The following CNTN4 variants were observed in gnomAD, a reference collection of about 807,000 sequenced individuals.
CNTN4 encodes contactin-4.
Under a neutral mutation model 122.5 loss-of-function variants are expected in CNTN4, and 77 were observed. The ratio of observed to expected loss-of-function variants is 0.63; its 90% CI spans 0.52 to 0.76. The LOEUF is 0.76. CNTN4 is among the 30% of genes least tolerant of loss of function. The pLI, the probability that CNTN4 is intolerant of heterozygous loss-of-function variation, is 0.00. For synonymous variants in CNTN4, 512 were observed against 447.0 expected (o/e 1.15, Z -1.83); for missense variants, 1,256 against 1,259.1 (o/e 1.00, Z 0.04).
chr3:2,272,488 T>G (rs1234023736), intron 2 of CNTN4, among the ~76,000 whole-genome samples: 2 of 152,216 alleles, frequency 1.3e-5, no homozygotes, highest in Non-Finnish European at 2.9e-5. Flanking sequence ...GATGGAGATG[T>G]GTAGTTTGGT....
intron 2 of CNTN4, among the ~76,000 whole-genome samples, chr3:2,177,546 C>T (rs2036807056): frequency 6.6e-6 from 1 of 151,944 alleles, no homozygotes. Flanking sequence ...CCAAATCTAA[C>T]TTCCAGTCAT....
chr3:2,748,493 C>G (rs1268798767), intron 6 of CNTN4, among the ~76,000 whole-genome samples: 2 of 152,132 alleles, frequency 1.3e-5, no homozygotes, highest in African/African-American at 4.8e-5. Flanking sequence ...TATCTCCATT[C>G]AAATAATTGA....
chr3:2,293,057 C>T (rs1028027312), intron 2 of CNTN4, among the ~76,000 whole-genome samples: 1 of 152,166 alleles, frequency 6.6e-6, no homozygotes, highest in Non-Finnish European at 1.5e-5. Context: ...CACTAACATG[C>T]GTATTGTTAT....
At chr3:2,732,316 T>C (rs890815152) in intron 4 of CNTN4, among the ~76,000 whole-genome samples, 10 of 152,136 alleles carry the variant, frequency 6.6e-5, no homozygotes, top group Non-Finnish European at 1.3e-4. Context: ...TCTTCTGGCG[T>C]AGTCAGTCTG....
intron 4 of CNTN4, among the ~76,000 whole-genome samples, chr3:2,654,647 T>C (rs1368542110): frequency 6.6e-6 from 1 of 152,204 alleles, no homozygotes; most frequent in African/African-American, 2.4e-5. Flanking sequence ...TTGAAGAATG[T>C]ATCTTTGTTT....
chr3:2,730,418 G>A (rs2088596265), intron 4 of CNTN4, among the ~76,000 whole-genome samples: 1 of 151,990 alleles, frequency 6.6e-6, no homozygotes, highest in Admixed American at 6.6e-5. Flanking sequence ...GTTTCAGCCG[G>A]GAGGTTTCTT....
chr3:2,159,562 C>T (rs912801171), intron 2 of CNTN4, among the ~76,000 whole-genome samples: 2 of 152,108 alleles, frequency 1.3e-5, no homozygotes, highest in African/African-American at 2.4e-5. Flanking sequence ...ATCTCATTTT[C>T]CTGCCCTGGA....
At chr3:3,001,988 G>C (rs1351948527) in intron 14 of CNTN4, among the ~76,000 whole-genome samples, 1 of 152,142 alleles carries the variant, frequency 6.6e-6, no homozygotes, top group Non-Finnish European at 1.5e-5. Flanking sequence ...CATTATCATT[G>C]AGAAATCTGA....
chr3:2,180,678 TA>T (rs1481784735), intron 2 of CNTN4, among the ~76,000 whole-genome samples: 1 of 152,088 alleles, frequency 6.6e-6, no homozygotes, highest in Non-Finnish European at 1.5e-5. Context: ...TTATCTCAAG[TA>T]TAGCATAAAT....
chr3:2,253,874 GAT>G (rs1302283894), intron 2 of CNTN4, among the ~76,000 whole-genome samples: 1 of 4,564 alleles, frequency 2.2e-4, no homozygotes, highest in Non-Finnish European at 1.4e-3. Flanking sequence ...ATTGCTTTCT[GAT>G]TTTTTTTTAA....
chr3:2,735,780 G>A (rs910683659), intron 4 of CNTN4: 2 of 353,046 alleles, frequency 5.7e-6, no homozygotes, highest in South Asian at 2.2e-5. Flanking sequence ...TTACAGTATC[G>A]TCCTTGCTTC....
intron 13 of CNTN4, among the ~76,000 whole-genome samples, chr3:2,960,954 G>A (rs1264457380): frequency 1.3e-5 from 2 of 152,078 alleles, no homozygotes; most frequent in East Asian, 3.9e-4. Flanking sequence ...TATTGTGCCG[G>A]GCGCGGTGAC....
chr3:2,111,733 A>G (rs4276167), intron 2 of CNTN4, among the ~76,000 whole-genome samples: 13,561 of 152,096 alleles, frequency 0.089, 778 homozygotes, highest in South Asian at 0.13. Flanking sequence ...ATAATGGAGG[A>G]ATTCCTGTAG....
At chr3:2,614,997 G>A (rs1226994319) in intron 4 of CNTN4, among the ~76,000 whole-genome samples, 1 of 152,072 alleles carries the variant, frequency 6.6e-6, no homozygotes, top group Admixed American at 6.6e-5. Flanking sequence ...CACAATTGCT[G>A]AGAAATTAAT....
At chr3:3,014,680 CT>C (rs916731111) in intron 14 of CNTN4, among the ~76,000 whole-genome samples, 2 of 151,522 alleles carry the variant, frequency 1.3e-5, no homozygotes, top group Non-Finnish European at 2.9e-5. Flanking sequence ...TTTTCATCTC[CT>C]TTTCCTTGTC....
chr3:2,455,032 G>T (rs1353739901), intron 3 of CNTN4, among the ~76,000 whole-genome samples: 6 of 147,954 alleles, frequency 4.1e-5, no homozygotes, highest in African/African-American at 1.5e-4. Flanking sequence ...TCATCTGTTA[G>T]TGGCCTTAGG....
intron 4 of CNTN4, among the ~76,000 whole-genome samples, chr3:2,628,466 G>A (rs1445986355): frequency 6.6e-6 from 1 of 152,190 alleles, no homozygotes; most frequent in African/African-American, 2.4e-5. Context: ...TTTGATTTAT[G>A]AGAATATTTT....
intron 13 of CNTN4, among the ~76,000 whole-genome samples, chr3:2,946,693 C>CA (rs959381038): frequency 1.6e-5 from 2 of 127,768 alleles, no homozygotes; most frequent in South Asian, 5.2e-4. Context: ...AGACAGCTTG[C>CA]TTTTTTTTTT....
chr3:2,220,810 T>C (rs774602820), intron 2 of CNTN4, among the ~76,000 whole-genome samples: 1 of 152,072 alleles, frequency 6.6e-6, no homozygotes, highest in Non-Finnish European at 1.5e-5. Flanking sequence ...TTGTCTTCAT[T>C]TTTAACTTTT....
Sources: gnomAD v4.1 joint callset for allele counts (sites outside exome capture counted in the v4.1 genomes callset) on GRCh38, gnomAD v4.1.1 for gene constraint, MANE v1.5 for transcripts, NCBI Gene and HGNC (gene_info 2026-07-23, HGNC 2026-07-21) for gene names.